The following GPC5 variants were observed in gnomAD, a reference collection of about 807,000 sequenced individuals.
GPC5 encodes glypican 5, also known as glypican-5.
Under a neutral mutation model 53.9 loss-of-function variants are expected in GPC5, and 47 were observed. That is an observed-to-expected ratio of 0.87 (90% CI 0.69 to 1.11). GPC5 has a LOEUF of 1.11. GPC5 is among the 50% of genes most tolerant of loss of function. The pLI is 0.00. For missense variants in GPC5, 748 were observed against 713.1 expected (o/e 1.05, Z -0.56); for synonymous variants, 286 against 263.3 (o/e 1.09, Z -0.84).
chr13:92,380,093 A>G (rs2043727003), intron 7 of GPC5, among the ~76,000 whole-genome samples: 1 of 152,228 alleles, frequency 6.6e-6, no homozygotes, highest in African/African-American at 2.4e-5. Flanking sequence ...GCTACCCTTC[A>G]GCCTGCCATT....
chr13:92,766,837 G>A (rs942810140), intron 7 of GPC5, among the ~76,000 whole-genome samples: 2 of 152,156 alleles, frequency 1.3e-5, no homozygotes, highest in Non-Finnish European at 2.9e-5. Context: ...ACATTCATTA[G>A]GGCATTGGTG....
intron 2 of GPC5, among the ~76,000 whole-genome samples, chr13:91,513,157 A>C (rs1030580534): frequency 2.0e-5 from 3 of 152,176 alleles, no homozygotes. Context: ...TTTTTCCTTC[A>C]TTAAACTCTT....
intron 2 of GPC5, among the ~76,000 whole-genome samples, chr13:91,642,883 T>G (rs745306859): frequency 1.1e-4 from 16 of 152,050 alleles, no homozygotes; most frequent in Admixed American, 1.3e-4. Flanking sequence ...AGTAGTTTGT[T>G]GAGTTTTGGA....
intron 7 of GPC5, among the ~76,000 whole-genome samples, chr13:92,757,168 A>G (rs1324449326): frequency 6.6e-6 from 1 of 152,178 alleles, no homozygotes; most frequent in Non-Finnish European, 1.5e-5. Context: ...AGCCCTCTGA[A>G]ATAACGCCGC....
chr13:92,844,261 C>G (rs901134646), intron 7 of GPC5, among the ~76,000 whole-genome samples: 1 of 151,950 alleles, frequency 6.6e-6, no homozygotes, highest in Admixed American at 6.6e-5. Context: ...TGTAAGTTTT[C>G]TCAGTCATAG....
intron 7 of GPC5, among the ~76,000 whole-genome samples, chr13:92,578,322 A>G (rs150200744): frequency 3.3e-5 from 5 of 152,304 alleles, no homozygotes; most frequent in Non-Finnish European, 7.4e-5. Context: ...GAGCATTACT[A>G]CTTTAATTGA....
chr13:92,795,151 T>C (rs1453813271), intron 7 of GPC5, among the ~76,000 whole-genome samples: 1 of 152,042 alleles, frequency 6.6e-6, no homozygotes, highest in Non-Finnish European at 1.5e-5. Context: ...GAGACTACAG[T>C]AACCAAAAAA....
At chr13:91,533,092 A>C (rs1176662867) in intron 2 of GPC5, among the ~76,000 whole-genome samples, 3 of 152,196 alleles carry the variant, frequency 2.0e-5, no homozygotes, top group South Asian at 2.1e-4. Context: ...AAGTCTGTGA[A>C]TTTATTGGAA....
At chr13:91,770,734 G>GTGTA (rs1555345853) in intron 5 of GPC5, among the ~76,000 whole-genome samples, 5 of 151,740 alleles carry the variant, frequency 3.3e-5, no homozygotes, top group African/African-American at 1.2e-4. Context: ...GTGTGTGTGT[G>GTGTA]TGTGTATGCA....
intron 6 of GPC5, among the ~76,000 whole-genome samples, chr13:91,976,778 G>T (rs1354174449): frequency 6.6e-6 from 1 of 152,130 alleles, no homozygotes; most frequent in Non-Finnish European, 1.5e-5. Flanking sequence ...GGTGGCTCAC[G>T]CCTGTAATCC....
At chr13:92,294,333 G>T (rs1391238016) in intron 7 of GPC5, among the ~76,000 whole-genome samples, 20 of 151,960 alleles carry the variant, frequency 1.3e-4, no homozygotes. Flanking sequence ...GGAGTTTTTT[G>T]TTGTTGTTGT....
At chr13:92,058,868 C>G (rs1332113459) in intron 6 of GPC5, among the ~76,000 whole-genome samples, 1 of 152,124 alleles carries the variant, frequency 6.6e-6, no homozygotes, top group Non-Finnish European at 1.5e-5. Context: ...AGATTTATTT[C>G]CTTACACAAA....
At chr13:91,808,519 T>C (rs2038258859) in intron 5 of GPC5, among the ~76,000 whole-genome samples, 1 of 152,146 alleles carries the variant, frequency 6.6e-6, no homozygotes, top group Admixed American at 6.5e-5. Context: ...TCTTGACAGC[T>C]CTTTACTATC....
At chr13:92,430,534 G>A (rs1256234169) in intron 7 of GPC5, among the ~76,000 whole-genome samples, 1 of 152,144 alleles carries the variant, frequency 6.6e-6, no homozygotes, top group South Asian at 2.1e-4. Flanking sequence ...TCTGAGCCAG[G>A]GTGGGAGTGG....
intron 5 of GPC5, among the ~76,000 whole-genome samples, chr13:91,892,993 A>G (rs1164350468): frequency 6.6e-6 from 1 of 151,988 alleles, no homozygotes; most frequent in East Asian, 1.9e-4. Context: ...TCTGTTAACC[A>G]TTTTTATAGC....
At chr13:91,773,105 T>C (rs1042668284) in intron 5 of GPC5, among the ~76,000 whole-genome samples, 13 of 152,164 alleles carry the variant, frequency 8.5e-5, no homozygotes, top group Non-Finnish European at 2.9e-5. Context: ...GAGCACCTTC[T>C]ACATAATGAA....
intron 2 of GPC5, among the ~76,000 whole-genome samples, chr13:91,583,433 G>A (rs2032445340): frequency 2.0e-5 from 3 of 151,978 alleles, no homozygotes; most frequent in East Asian, 1.9e-4. Context: ...TGCCAAGACC[G>A]AAATATACCA....
chr13:92,556,749 G>T (rs1055777387), intron 7 of GPC5, among the ~76,000 whole-genome samples: 74 of 151,706 alleles, frequency 4.9e-4, no homozygotes, highest in African/African-American at 1.7e-3. Context: ...AATTAAATTT[G>T]TACTAACCTT....
chr13:91,695,279 T>G (rs1226385992), intron 3 of GPC5, among the ~76,000 whole-genome samples: 1 of 152,146 alleles, frequency 6.6e-6, no homozygotes, highest in Non-Finnish European at 1.5e-5. Flanking sequence ...ATAAACCATC[T>G]CAAAAGGAGG....
Sources: allele counts gnomAD v4.1 joint callset (sites outside exome capture counted in the v4.1 genomes callset), GRCh38; gene constraint gnomAD v4.1.1; transcripts MANE v1.5; gene names NCBI Gene and HGNC (gene_info 2026-07-23, HGNC 2026-07-21).